MTERF1: variants seen among roughly 807,000 people sequenced by gnomAD.
The protein encoded by MTERF1 is mitochondrial transcription termination factor 1.
In MTERF1, 29 loss-of-function variants were observed where a neutral mutation model predicts 31.6. The ratio of observed to expected loss-of-function variants is 0.92; its 90% CI spans 0.68 to 1.25. The LOEUF is 1.25. MTERF1 is among the 50% of genes most tolerant of loss of function. The pLI, the probability that MTERF1 is intolerant of heterozygous loss-of-function variation, is 0.00. For synonymous variants in MTERF1, 152 were observed against 164.1 expected (o/e 0.93, Z 0.57); for missense variants, 500 against 469.1 (o/e 1.07, Z -0.61).
At position 91,879,111 on chromosome 7, in the gene MTERF1, C is replaced by T. The variant is rs375828339; in HGVS notation, c.29+944G>A. 2.6e-5 allele frequency among the ~76,000 whole-genome samples: 4 copies of T among 152,050 alleles called. 1 individual carries two copies. ...TGAGCTGAGATTGCACCACTGCACTCCAGTCTGGGCAACAGAGCAAGAATC... is the reference window on the plus strand; with the variant it reads ...TGAGCTGAGATTGCACCACTGCACTTCAGTCTGGGCAACAGAGCAAGAATC... On this transcript the variant is annotated intron_variant, in intron 2 of 2. Transcript: ENST00000351870.
In MTERF1 at chr7:91,873,473, C is replaced by G. The variant is rs573441611; in HGVS notation, c.*121G>C. The G allele has an allele frequency of 3.5e-6, 3 of 869,556 alleles. No homozygotes were observed. Among genetic ancestry groups the G allele is most frequent in the Non-Finnish European group, 5.1e-6 (3 of 582,880 alleles). 53.9% of individuals were successfully genotyped at this position (869,556 alleles called of 1,614,324 possible). A position where few individuals can be genotyped will look rare whatever the true frequency, so the allele number is the denominator to read the frequency against. On this transcript the variant is annotated 3_prime_UTR_variant, in exon 3 of 3. Transcript: ENST00000351870. Reference sequence around the variant, plus strand: ...TTATATTAGGCCCTCCAAAGTAATTCAGGATAATCTCCCCATCTCAAGGCC... The same window carrying G: ...TTATATTAGGCCCTCCAAAGTAATTGAGGATAATCTCCCCATCTCAAGGCC...
chr7:91,873,822 T>C lies in MTERF1; in HGVS notation c.972A>G (p.Ala324=). The change falls in exon 3 of 3, where the codon GCA becomes GCG. Residue 324 remains alanine (A), a synonymous_variant. Transcript: ENST00000351870. ...CTATTTTATCATTAAACTTTTTCTC[T>C]GCCAAGAAGATCACATCTGGATAGC... ...VLSYPDVIFL[A]EKKFNDKIDC... 6.2e-7 allele frequency: 1 copy of C among 1,614,154 alleles called. No homozygotes were observed. Among genetic ancestry groups the C allele is most frequent in the Non-Finnish European group, 8.5e-7 (1 of 1,180,010 alleles).
rs781476195 is a variant in MTERF1, at chr7:91,874,169, C to G, written c.625G>C (p.Asp209His). The G allele has an allele frequency of 1.5e-5, 24 of 1,614,022 alleles. No individual in the cohort carries two copies. The highest frequency in any genetic ancestry group is 2.0e-5 in the Non-Finnish European group (24 of 1,180,032). Residue 209 changes from aspartate to histidine, a missense_variant, in exon 3 of 3, where the codon GAT (aspartate) becomes CAT (histidine). Physicochemically the swap from Asp to His is moderately conservative, Grantham distance 81. Coordinates refer to ENST00000351870, the MANE Select transcript of MTERF1 (RefSeq NM_006980.5). ...NAPRTFSNSL[D>H]LNKQMVEFLQ... is the part of the protein sequence containing the mutation. ...AATTCAACCATCTGTTTATTCAGATCAAGACTATTGGAGAAGGTACGAGGG... is the reference window on the plus strand; with the variant it reads ...AATTCAACCATCTGTTTATTCAGATGAAGACTATTGGAGAAGGTACGAGGG...
intron 2 of MTERF1, chr7:91,876,772 T>C (rs1287896409): frequency 2.6e-6 from 1 of 385,854 alleles, no homozygotes; most frequent in Non-Finnish European, 3.5e-6. Context: ...TATTCTTCAC[T>C]TCTCCGTAAT....
chr7:91,877,182 A>G (rs997338876), intron 2 of MTERF1, among the ~76,000 whole-genome samples: 3 of 152,246 alleles, frequency 2.0e-5, no homozygotes, highest in African/African-American at 7.2e-5. Context: ...CACAATCAAA[A>G]AAGTGTGAAG....
In MTERF1 at chr7:91,871,086, T is replaced by C. The variant is rs1444494659; in HGVS notation, c.*2508A>G. 6.6e-6 allele frequency: 1 copy of C among 152,140 alleles called. No individual in the cohort carries two copies. The highest frequency in any genetic ancestry group is 1.5e-5 in the Non-Finnish European group (1 of 68,030). 9.4% of individuals were successfully genotyped at this position (152,140 alleles called of 1,614,324 possible). On this transcript the variant is annotated 3_prime_UTR_variant, in exon 3 of 3. Transcript: ENST00000351870. The stretch of plus-strand genomic sequence containing the variant: ...ATTACATGGCTGGCCAATATTTCTA[T>C]AATTCTATCTTTAAAAAAAAAGAAT...
At position 91,874,648 on chromosome 7, in the gene MTERF1, ATGTT is replaced by A. The variant is rs1789296468; in HGVS notation, c.142_145del (p.Asn48SerfsTer12). On this transcript the variant is annotated frameshift_variant, in exon 3 of 3. Transcript: ENST00000351870. LOFTEE classifies it high-confidence loss of function. Reference sequence around the variant, plus strand: ...AAGCCTAAATGAAACTGATTTGAAGATGTTTTCTGCTGAAAATCGAGTCATCCAA... The same window carrying A: ...AAGCCTAAATGAAACTGATTTGAAGATTCTGCTGAAAATCGAGTCATCCAA... 6.2e-7 allele frequency: 1 copy of A among 1,613,984 alleles called. No homozygotes were observed. The highest frequency in any genetic ancestry group is 1.3e-5 in the African/African-American group (1 of 74,930).
At position 91,871,730 on chromosome 7, in the gene MTERF1, G is replaced by C. The variant is rs1392370788; in HGVS notation, c.*1864C>G. The C allele has an allele frequency of 6.6e-6, 1 of 152,154 alleles. No individual in the cohort carries two copies. The highest frequency in any genetic ancestry group is 2.4e-5 in the African/African-American group (1 of 41,422). 9.4% of individuals were successfully genotyped at this position (152,154 alleles called of 1,614,324 possible). On this transcript the variant is annotated 3_prime_UTR_variant, in exon 3 of 3. Coordinates refer to ENST00000351870, the MANE Select transcript of MTERF1 (RefSeq NM_006980.5). Reference sequence around the variant, plus strand: ...GGAAATAATGGGGATTCACTAACAGGTACAAGGTTTCTGTTAGGACTGCAA... The same window carrying C: ...GGAAATAATGGGGATTCACTAACAGCTACAAGGTTTCTGTTAGGACTGCAA...
chr7:91,877,685 G>A (rs776665043), intron 2 of MTERF1, among the ~76,000 whole-genome samples: 5 of 152,102 alleles, frequency 3.3e-5, no homozygotes, highest in Non-Finnish European at 4.4e-5. Context: ...TACCCAGCCT[G>A]TAACAGCCAC....
At chr7:91,880,134 C>T (rs373119611) in intron 1 of MTERF1, 21 bp from the exon 2 acceptor site, 57 of 1,580,492 alleles carry the variant, frequency 3.6e-5, no homozygotes, top group Non-Finnish European at 4.7e-5. Context: ...CACACACACA[C>T]AAAAAAAAGG....
intron 2 of MTERF1, chr7:91,876,841 T>C (rs955774763): frequency 2.2e-6 from 2 of 908,450 alleles, no homozygotes; most frequent in African/African-American, 3.6e-5. Context: ...AACTTTAAAA[T>C]ATAATTATCC....
Position 91,874,388 on chromosome 7 carries a change from G to A in MTERF1, c.406C>T (p.Pro136Ser), listed in dbSNP as rs748153405. The change falls in exon 3 of 3, where the codon CCC becomes TCC. Residue 136 changes from proline (P) to serine (S), a missense_variant. Coordinates refer to ENST00000351870, the MANE Select transcript of MTERF1 (RefSeq NM_006980.5). ...SRYPRAITRT[P>S]ENLSKRWDLW... is the part of the protein sequence containing the mutation. ...TCCCACCGTTTTGAAAGATTCTCGG[G>A]AGTACGTGTTATTGCTCGTGGATAT... 41 of 1,613,990 alleles carry A rather than the reference G, an allele frequency of 2.5e-5. No homozygotes were observed. The Admixed American group carries it at 6.7e-4, about 26-fold the overall frequency.
Position 91,871,431 on chromosome 7 carries a change from A to C in MTERF1, c.*2163T>G, listed in dbSNP as rs906705673. On this transcript the variant is annotated 3_prime_UTR_variant, in exon 3 of 3. Coordinates refer to ENST00000351870, the MANE Select transcript of MTERF1 (RefSeq NM_006980.5). ...AATACCTCAGAAAACACTCGCGTAC[A>C]ATTCAGAAGACTTAAGAAATCAATA... 6.6e-6 allele frequency: 1 copy of C among 152,244 alleles called. No homozygotes were observed. The highest frequency in any genetic ancestry group is 1.5e-5 in the Non-Finnish European group (1 of 68,060). 9.4% of individuals were successfully genotyped at this position (152,244 alleles called of 1,614,324 possible). A position where few individuals can be genotyped will look rare whatever the true frequency, so the allele number is the denominator to read the frequency against.
intron 2 of MTERF1, among the ~76,000 whole-genome samples, chr7:91,879,661 CG>C (rs1248472430): frequency 2.6e-5 from 4 of 152,174 alleles, no homozygotes; most frequent in African/African-American, 9.6e-5. Flanking sequence ...CTCTTAGCAA[CG>C]GATCTCCATT....
In MTERF1 at chr7:91,874,155, C is replaced by T. The variant is rs139864199; in HGVS notation, c.639G>A (p.Gln213=). 1.9e-6 allele frequency: 3 copies of T among 1,614,158 alleles called. No homozygotes were observed. The highest frequency in any genetic ancestry group is 1.3e-5 in the African/African-American group (1 of 75,054). ...CGGCTGCCTGCAAAAATTCAACCAT[C>T]TGTTTATTCAGATCAAGACTATTGG... ...TFSNSLDLNK[Q]MVEFLQAAGL... is the part of the protein sequence containing the mutation. The change falls in exon 3 of 3, where the codon CAG becomes CAA. Residue 213 remains glutamine, a synonymous_variant. Coordinates refer to ENST00000351870, the MANE Select transcript of MTERF1 (RefSeq NM_006980.5).
At position 91,880,638 on chromosome 7, in the gene MTERF1, A is replaced by T. The variant is rs1789482047; in HGVS notation, c.-31+19T>A. The T allele has an allele frequency of 6.5e-6, 1 of 153,616 alleles. No individual in the cohort carries two copies. Among genetic ancestry groups the T allele is most frequent in the Admixed American group, 6.5e-5 (1 of 15,340 alleles). The allele number at this position is 153,616 out of a possible 1,614,324, so 9.5% of individuals were successfully genotyped here. ...CAAAAAGAAAGGAAAGCACAGCCTCACCACCTTCCCAATCTCACCCTGAAC... is the reference window on the plus strand; with the variant it reads ...CAAAAAGAAAGGAAAGCACAGCCTCTCCACCTTCCCAATCTCACCCTGAAC... On this transcript the variant is annotated intron_variant, in intron 1 of 2. Coordinates refer to ENST00000351870, the MANE Select transcript of MTERF1 (RefSeq NM_006980.5).
rs1396191592 is a variant in MTERF1, at chr7:91,873,542, C to T, written c.*52G>A. ...TAATCACTTCTGCAAAATTCTTTTG[C>T]AATGTGGCATAACATATTCACAGTT... On this transcript the variant is annotated 3_prime_UTR_variant, in exon 3 of 3. Transcript: ENST00000351870. 6 of 1,444,158 alleles carry T rather than the reference C, an allele frequency of 4.2e-6. No homozygotes were observed. The highest frequency in any genetic ancestry group is 5.6e-6 in the Non-Finnish European group (6 of 1,074,534). 89.5% of individuals were successfully genotyped at this position (1,444,158 alleles called of 1,614,324 possible).
At chr7:91,879,914 G>T in intron 2 of MTERF1, 141 bp downstream of exon 2, 4 of 876,562 alleles carry the variant, frequency 4.6e-6, no homozygotes, top group African/African-American at 1.7e-5. Context: ...AAAGATTTAC[G>T]TTCGCCTCTG....
At chr7:91,878,267 A>G (rs902675847) in intron 2 of MTERF1, among the ~76,000 whole-genome samples, 5 of 152,136 alleles carry the variant, frequency 3.3e-5, no homozygotes, top group African/African-American at 1.2e-4. Flanking sequence ...TCTAAAAATG[A>G]CATCTAAAAA....
Sources: gnomAD v4.1 joint callset for allele counts (sites outside exome capture counted in the v4.1 genomes callset) on GRCh38, gnomAD v4.1.1 for gene constraint, MANE v1.5 for transcripts, NCBI Gene and HGNC (gene_info 2026-07-23, HGNC 2026-07-21) for gene names.